Variants in PDE1C observed in about 807,000 individuals in gnomAD.
PDE1C encodes the protein dual specificity calcium/calmodulin-dependent 3',5'-cyclic nucleotide phosphodiesterase 1C.
Under a neutral mutation model 93.1 loss-of-function variants are expected in PDE1C, and 62 were observed. That is an observed-to-expected ratio of 0.67 (90% CI 0.54 to 0.82). The LOEUF (loss-of-function observed/expected upper bound fraction) is 0.82, where lower values mean the gene tolerates loss of function less well. Ranked by LOEUF, PDE1C falls within the 40% of genes least tolerant of loss-of-function variation. The pLI is 0.00. For missense variants in PDE1C, 742 were observed against 884.6 expected (o/e 0.84, Z 2.04); for synonymous variants, 325 against 310.1 (o/e 1.05, Z -0.50).
the PDE1C span, chr7:31,643,007 T>C: frequency 1.2e-6 from 2 of 1,613,982 alleles, no homozygotes; most frequent in Non-Finnish European, 1.7e-6. Flanking sequence ...CTTCTGCCAA[T>C]GCCCCATGCT....
chr7:31,946,349 C>T (rs1686217082), intron 2 of PDE1C, among the ~76,000 whole-genome samples: 1 of 152,136 alleles, frequency 6.6e-6, no homozygotes, highest in Admixed American at 6.5e-5. Flanking sequence ...GGGTGGAAGG[C>T]TGCCCTGCCA....
chr7:32,020,657 C>T (rs1399873634), intron 2 of PDE1C, among the ~76,000 whole-genome samples: 1 of 151,972 alleles, frequency 6.6e-6, no homozygotes, highest in Non-Finnish European at 1.5e-5. Flanking sequence ...TTCTGAAAAG[C>T]ACACTAGAGC....
chr7:31,880,268 A>G (rs978505058), intron 3 of PDE1C, among the ~76,000 whole-genome samples: 1 of 152,188 alleles, frequency 6.6e-6, no homozygotes, highest in Non-Finnish European at 1.5e-5. Flanking sequence ...AGTGGAATAA[A>G]CCTGCTAAGT....
chr7:31,916,217 C>A (rs146923924), intron 2 of PDE1C, among the ~76,000 whole-genome samples: 56 of 152,236 alleles, frequency 3.7e-4, no homozygotes, highest in Middle Eastern at 3.4e-3. Context: ...TTACTATTGA[C>A]TTCCTCTAGT....
chr7:32,248,595 C>T (rs1233931401), intron 1 of PDE1C, among the ~76,000 whole-genome samples: 2 of 152,102 alleles, frequency 1.3e-5, no homozygotes, highest in East Asian at 3.8e-4. Context: ...AGAAGTCCTC[C>T]CAAGGAGGTG....
At position 32,298,065 on chromosome 7, in the gene PDE1C, C is replaced by CTCTCTTT. The variant is rs1562660556; in HGVS notation, c.85+585_85+586insAAAGAGA. On this transcript the variant is annotated intron_variant, in intron 1 of 18. Transcript: ENST00000396193. The stretch of plus-strand genomic sequence containing the variant: ...CTCTCTCTCTCTCTCTCTCTCTCTC[C>CTCTCTTT]CCTCTCTCTCTGAATTCCCCGGTCT... Among the ~76,000 whole-genome samples, 3 of 21,174 alleles carry CTCTCTTT rather than the reference C, an allele frequency of 1.4e-4. 1 individual carries two copies. The highest frequency in any genetic ancestry group is 1.3e-3 in the Admixed American group (2 of 1,536). 13.9% of individuals were successfully genotyped at this position (21,174 alleles called of 152,430 possible).
chr7:32,301,679 G>GA (rs1427653928), upstream of PDE1C, among the ~76,000 whole-genome samples: 1 of 152,144 alleles, frequency 6.6e-6, no homozygotes, highest in African/African-American at 2.4e-5. Flanking sequence ...CATAAGTCAA[G>GA]AAAAAATGAG....
the PDE1C span, among the ~76,000 whole-genome samples, chr7:31,623,589 T>C: frequency 1.3e-5 from 2 of 150,442 alleles, no homozygotes; most frequent in Non-Finnish European, 1.5e-5. Context: ...AAATTAGGTA[T>C]TGATGGGACG....
At chr7:31,942,175 T>C (rs1805944801) in intron 2 of PDE1C, among the ~76,000 whole-genome samples, 1 of 152,152 alleles carries the variant, frequency 6.6e-6, no homozygotes, top group Admixed American at 6.6e-5. Flanking sequence ...AAGGGCTGTG[T>C]GCTCCATAAG....
At chr7:32,388,038 C>A (rs1294650927) in intron 1 of PDE1C, among the ~76,000 whole-genome samples, 6 of 152,164 alleles carry the variant, frequency 3.9e-5, no homozygotes, top group Admixed American at 3.9e-4. Flanking sequence ...ATGTTACCTC[C>A]TTCAATAGAT....
At chr7:31,885,433 T>C (rs954841969) in intron 2 of PDE1C, among the ~76,000 whole-genome samples, 9 of 152,226 alleles carry the variant, frequency 5.9e-5, no homozygotes, top group African/African-American at 2.2e-4. Context: ...GGATGAGCCA[T>C]TGCATCTTTT....
At chr7:31,975,213 T>C (rs1811496336) in intron 2 of PDE1C, among the ~76,000 whole-genome samples, 1 of 152,154 alleles carries the variant, frequency 6.6e-6, no homozygotes, top group South Asian at 2.1e-4. Context: ...CAACACCAAA[T>C]GGGGGGTTCA....
intron 1 of PDE1C, among the ~76,000 whole-genome samples, chr7:32,330,939 A>G (rs1228284366): frequency 6.6e-6 from 1 of 152,082 alleles, no homozygotes. Flanking sequence ...GCTTATGCAC[A>G]CTCAGTTCCT....
intron 3 of PDE1C, among the ~76,000 whole-genome samples, chr7:31,880,419 A>C (rs6968128): frequency 0.63 from 95,656 of 152,014 alleles, 30,428 homozygotes; most frequent in East Asian, 0.77. Flanking sequence ...CTAACACTAA[A>C]AACATACAAT....
rs545090117 is a variant in PDE1C, at chr7:31,817,016, G to A, written c.1583-862C>T. Among the ~76,000 whole-genome samples the A allele has an allele frequency of 1.0e-3, 153 of 152,288 alleles. 1 individual carries two copies. The highest frequency in any genetic ancestry group is 3.2e-3 in the African/African-American group (131 of 41,574). The stretch of plus-strand genomic sequence containing the variant: ...CTCATATTTATTGAGCAGTTGTAGC[G>A]TTAAGCACTGTTTTAGGTACGAGGA... On this transcript the variant is annotated intron_variant, in intron 14 of 17. Coordinates refer to ENST00000396191, the MANE Select transcript of PDE1C (RefSeq NM_001191057.4).
At chr7:31,827,058 T>A (rs995933709) in intron 12 of PDE1C, among the ~76,000 whole-genome samples, 1 of 152,160 alleles carries the variant, frequency 6.6e-6, no homozygotes, top group Non-Finnish European at 1.5e-5. Context: ...CACTTAAAAT[T>A]CTTTAGATAT....
chr7:32,283,212 T>C (rs1811786745), intron 1 of PDE1C, among the ~76,000 whole-genome samples: 1 of 152,172 alleles, frequency 6.6e-6, no homozygotes, highest in African/African-American at 2.4e-5. Context: ...AAAACTGTGA[T>C]GAAGAAGAAT....
At chr7:31,798,650 A>G (rs1457754781) in intron 16 of PDE1C, among the ~76,000 whole-genome samples, 1 of 151,748 alleles carries the variant, frequency 6.6e-6, no homozygotes, top group Non-Finnish European at 1.5e-5. Flanking sequence ...AAACAAATAG[A>G]TCTTTCAGAA....
At chr7:31,768,929 G>A (rs527495359) in intron 17 of PDE1C, among the ~76,000 whole-genome samples, 116 of 152,116 alleles carry the variant, frequency 7.6e-4, no homozygotes, top group African/African-American at 2.6e-3. Context: ...CTGAGTAGCC[G>A]GGACCACAGG....
Sources: allele counts gnomAD v4.1 joint callset (sites outside exome capture counted in the v4.1 genomes callset), GRCh38; gene constraint gnomAD v4.1.1; transcripts MANE v1.5; gene names NCBI Gene and HGNC (gene_info 2026-07-23, HGNC 2026-07-21).